The following ZNF649 variants were observed in gnomAD, a reference collection of about 807,000 sequenced individuals.
The protein encoded by ZNF649 is zinc finger protein 649.
A neutral mutation model predicts 14.1 loss-of-function variants in ZNF649; 7 were observed. The observed-to-expected ratio is 0.49, with a 90% CI of 0.28 to 0.93. The LOEUF (loss-of-function observed/expected upper bound fraction) is 0.93. ZNF649 is among the 40% of genes least tolerant of loss of function. ZNF649 has a pLI of 0.10. For missense variants in ZNF649, 544 were observed against 608.1 expected (o/e 0.89, Z 1.11); for synonymous variants, 227 against 212.3 (o/e 1.07, Z -0.60).
rs1480247237 is a variant in ZNF649 at position 51,891,627 on chromosome 19, T to C, written c.509A>G (p.Gln170Arg). 6.2e-7 allele frequency: 1 copy of C among 1,614,270 alleles called. No individual in the cohort carries two copies. The highest frequency in any genetic ancestry group is 2.2e-5 in the East Asian group (1 of 44,884). The change falls in exon 5 of 5, where the codon CAA becomes CGA. Residue 170 changes from glutamine to arginine, a missense_variant. Coordinates refer to ENST00000354957, the MANE Select transcript of ZNF649 (RefSeq NM_023074.4). The surrounding 1 kb of genome is among the most constrained non-coding windows in gnomAD (Gnocchi z 4.2). The part of the protein sequence containing the change: ...STKSQFLKHQ[Q>R]THNIEKAHEC... The stretch of plus-strand genomic sequence containing the variant: ...ATGGGCTTTCTCTATGTTGTGTGTT[T>C]GCTGATGTTTAAGGAATTGTGACTT...
At chr19:51,896,705 AG>A in intron 3 of ZNF649, 138 bp from the exon 4 acceptor site, 1 of 1,574,244 alleles carries the variant, frequency 6.4e-7, no homozygotes, top group South Asian at 1.1e-5. Flanking sequence ...AGACGAAGGA[AG>A]ATTATGCCTC....
chr19:51,904,738 C>T (rs1483487491), intron 1 of ZNF649, among the ~76,000 whole-genome samples, 176 bp downstream of exon 1: 4 of 152,112 alleles, frequency 2.6e-5, no homozygotes, highest in African/African-American at 9.7e-5. Flanking sequence ...GACGCCGAGT[C>T]TCAGTCGCTG....
chr19:51,904,160 C>A (rs1031140172), intron 1 of ZNF649: 7 of 152,312 alleles, frequency 4.6e-5, no homozygotes, highest in South Asian at 2.1e-4. Context: ...TTGTTCTGAC[C>A]ACGAGGCACC....
In ZNF649 at chr19:51,890,521, C is replaced by A; in HGVS notation, c.*97G>T. The A allele has an allele frequency of 1.4e-6, 1 of 727,308 alleles. No individual in the cohort carries two copies. Among genetic ancestry groups the A allele is most frequent in the Non-Finnish European group, 2.3e-6 (1 of 440,242 alleles). 45.1% of individuals were successfully genotyped at this position (727,308 alleles called of 1,614,324 possible). A position where few individuals can be genotyped will look rare whatever the true frequency, so the allele number is the denominator to read the frequency against. The stretch of plus-strand genomic sequence containing the variant: ...AAAATATATTTCATATCTTGTAAAC[C>A]CTACTATACATATTAGTGCAGGGAG... On this transcript the variant is annotated 3_prime_UTR_variant, in exon 5 of 5. Coordinates refer to ENST00000354957, the MANE Select transcript of ZNF649 (RefSeq NM_023074.4).
chr19:51,898,652 C>T (rs1462013695), intron 2 of ZNF649, among the ~76,000 whole-genome samples: 1 of 151,930 alleles, frequency 6.6e-6, no homozygotes, highest in East Asian at 1.9e-4. Context: ...GTGGCTCACA[C>T]CTGTAATCCC....
intron 4 of ZNF649, among the ~76,000 whole-genome samples, chr19:51,894,463 T>C (rs1008830613): frequency 6.6e-6 from 1 of 152,170 alleles, no homozygotes; most frequent in Admixed American, 6.6e-5. Flanking sequence ...AGTCCCCACA[T>C]GGCCTTGCAT....
intron 2 of ZNF649, among the ~76,000 whole-genome samples, chr19:51,899,235 T>A (rs1323092413): frequency 1.3e-5 from 2 of 152,080 alleles, no homozygotes; most frequent in East Asian, 3.8e-4. Flanking sequence ...ATTTGCATAA[T>A]TTTTTAAGTT....
intron 4 of ZNF649, among the ~76,000 whole-genome samples, chr19:51,895,077 T>C (rs2085051831): frequency 1.3e-5 from 2 of 152,144 alleles, no homozygotes. Flanking sequence ...TGAAGAAGAA[T>C]GAAAACCAGG....
chr19:51,898,601 C>T lies in ZNF649; in HGVS notation c.15+1492G>A, dbSNP rs560346510. Among the ~76,000 whole-genome samples the T allele has an allele frequency of 9.0e-4, 137 of 151,910 alleles. 2 individuals are homozygous for T. Among genetic ancestry groups the T allele is most frequent in the Admixed American group, 8.9e-3 (135 of 15,252 alleles). On this transcript the variant is annotated intron_variant, in intron 2 of 4. Transcript: ENST00000354957. ...CATGGGGGTTTTTATGGAGCTTCTACGACGTGGGCATGATTAAATCATCAA... is the reference window on the plus strand; with the variant it reads ...CATGGGGGTTTTTATGGAGCTTCTATGACGTGGGCATGATTAAATCATCAA...
rs2085004890 is a variant in ZNF649, at chr19:51,889,776, A to G, written c.*842T>C. 6.6e-6 allele frequency: 1 copy of G among 152,250 alleles called. No individual in the cohort carries two copies. The highest frequency in any genetic ancestry group is 1.5e-5 in the Non-Finnish European group (1 of 68,042). The allele number at this position is 152,250 out of a possible 1,614,324, so 9.4% of individuals were successfully genotyped here. A position where few individuals can be genotyped will look rare whatever the true frequency, so the allele number is the denominator to read the frequency against. ...AAGCCAACAAAGGAGACAATATGTA[A>G]TATAAACACACTCAGCTACTCTAAG... is the stretch of plus-strand genomic sequence containing the variant. On this transcript the variant is annotated 3_prime_UTR_variant, in exon 5 of 5. Transcript: ENST00000354957.
Position 51,901,816 on chromosome 19 carries a change from G to A in ZNF649, c.-187-1522C>T, listed in dbSNP as rs562203846. 7.2e-5 allele frequency among the ~76,000 whole-genome samples: 11 copies of A among 152,070 alleles called. No homozygotes were observed. The South Asian group carries it at 1.9e-3, about 26-fold the overall frequency. The stretch of plus-strand genomic sequence containing the variant: ...AAATTATTCAAGCATGGTGGCACAT[G>A]CCTGTATTCCCAGCTACTCAGATGG... On this transcript the variant is annotated intron_variant, in intron 1 of 4. Coordinates refer to ENST00000354957, the MANE Select transcript of ZNF649 (RefSeq NM_023074.4).
chr19:51,896,068 G>A (rs1599887359), intron 4 of ZNF649: 1 of 179,892 alleles, frequency 5.6e-6, no homozygotes, highest in Non-Finnish European at 1.2e-5. Context: ...TGCCTGGGCT[G>A]TGAGAAAACA....
At chr19:51,892,001 C>T (rs747690988) in intron 4 of ZNF649, 104 bp from the exon 5 acceptor site, 9 of 1,298,396 alleles carry the variant, frequency 6.9e-6, no homozygotes, top group Non-Finnish European at 9.3e-6. Flanking sequence ...CCCTATAATA[C>T]CAACATGGAA....
chr19:51,902,070 T>C (rs879926032), intron 1 of ZNF649, among the ~76,000 whole-genome samples: 4 of 151,892 alleles, frequency 2.6e-5, no homozygotes, highest in African/African-American at 9.7e-5. Context: ...GGCACCGCAT[T>C]CTTCACCTCC....
Position 51,891,221 on chromosome 19 carries a change from G to A in ZNF649, c.915C>T (p.Leu305=), listed in dbSNP as rs372665221. The change falls in exon 5 of 5, where the codon CTC becomes CTT. Residue 305 remains leucine, a synonymous_variant. Coordinates refer to ENST00000354957, the MANE Select transcript of ZNF649 (RefSeq NM_023074.4). This position sits in a 1 kb window ranked among gnomAD's most constrained non-coding sequence, Gnocchi z 4.2. The part of the protein sequence containing the change: ...CGRAFSRKSL[L]VVHQRTHTGE... ...CTGTATGAGTTCGCTGATGTACAAC[G>A]AGTAGTGATTTTCTGGAGAAAGCTC... 2.7e-5 allele frequency: 44 copies of A among 1,614,132 alleles called. No individual in the cohort carries two copies. In the African/African-American group the frequency reaches 3.2e-4, roughly 12 times the overall value.
chr19:51,901,032 A>C (rs1331475693), intron 1 of ZNF649, among the ~76,000 whole-genome samples: 1 of 152,244 alleles, frequency 6.6e-6, no homozygotes, highest in African/African-American at 2.4e-5. Context: ...GAAACCAGAC[A>C]TAAGTTTCAA....
intron 1 of ZNF649, among the ~76,000 whole-genome samples, chr19:51,901,942 C>T (rs995864639): frequency 3.3e-5 from 4 of 121,448 alleles, no homozygotes; most frequent in African/African-American, 1.4e-4. Flanking sequence ...CAAAGTGAGA[C>T]TCTGTATCAA....
chr19:51,899,970 G>T, intron 2 of ZNF649, 123 bp downstream of exon 2: 1 of 788,050 alleles, frequency 1.3e-6, no homozygotes, highest in Non-Finnish European at 1.9e-6. Context: ...TACAGTCTAA[G>T]TCTGTTTCTC....
At chr19:51,897,948 A>G (rs1334685527) in intron 2 of ZNF649, among the ~76,000 whole-genome samples, 3 of 151,826 alleles carry the variant, frequency 2.0e-5, no homozygotes, top group Non-Finnish European at 4.4e-5. Flanking sequence ...ATGGCTAAAC[A>G]TGGTCTCTAC....
Sources: allele counts gnomAD v4.1 joint callset (sites outside exome capture counted in the v4.1 genomes callset), GRCh38; gene constraint gnomAD v4.1.1; non-coding constraint Gnocchi (gnomAD v3.1); transcripts MANE v1.5; gene names NCBI Gene and HGNC (gene_info 2026-07-23, HGNC 2026-07-21).